Variants in MAPKAPK3 observed in about 807,000 individuals in gnomAD.
The protein encoded by MAPKAPK3 is MAP kinase-activated protein kinase 3.
A neutral mutation model predicts 49.2 loss-of-function variants in MAPKAPK3; 35 were observed. The ratio of observed to expected loss-of-function variants is 0.71; its 90% CI spans 0.54 to 0.94. The LOEUF (loss-of-function observed/expected upper bound fraction) is 0.94, where lower values mean the gene tolerates loss of function less well. MAPKAPK3 is among the 40% of genes least tolerant of loss of function. The probability of loss-of-function intolerance (pLI) is 0.00; values close to 1 mark genes in which losing one functional copy is unlikely to be tolerated. For synonymous variants in MAPKAPK3, 178 were observed against 188.7 expected (o/e 0.94, Z 0.46); for missense variants, 398 against 493.1 (o/e 0.81, Z 1.83).
At chr3:50,617,854 T>C (rs1014168133) in intron 2 of MAPKAPK3, 70 bp downstream of exon 2, 1 of 1,230,058 alleles carries the variant, frequency 8.1e-7, no homozygotes, top group Non-Finnish European at 1.2e-6. Flanking sequence ...AGTGAAGCTA[T>C]GTCTAGCGCC....
Position 50,644,405 on chromosome 3 carries a change from C to G in MAPKAPK3, c.505-4C>G, listed in dbSNP as rs547198802. On this transcript the variant is annotated splice_region_variant and splice_polypyrimidine_tract_variant and intron_variant, in intron 5 of 10. Coordinates refer to ENST00000621469, the MANE Select transcript of MAPKAPK3 (RefSeq NM_001243925.2). ...CAAACCAATGTTTTCTCTTTCTGGC[C>G]CAGCCTGAAAACCTACTCTACACAT... The G allele has an allele frequency of 8.7e-6, 14 of 1,613,944 alleles. No homozygotes were observed. The African/African-American group carries it at 1.1e-4, about 12-fold the overall frequency.
chr3:50,623,262 T>C (rs1179017762), intron 2 of MAPKAPK3, among the ~76,000 whole-genome samples: 1 of 152,224 alleles, frequency 6.6e-6, no homozygotes, highest in Non-Finnish European at 1.5e-5. Flanking sequence ...GGAAAGAATC[T>C]GAGGAGCCAG....
chr3:50,648,073 C>T lies in MAPKAPK3; in HGVS notation c.*27C>T, dbSNP rs777428507. 5.0e-6 allele frequency: 8 copies of T among 1,602,630 alleles called. No individual in the cohort carries two copies. The East Asian group carries it at 8.9e-5, about 18-fold the overall frequency. The stretch of plus-strand genomic sequence containing the variant: ...TCATGGGGCCTTGGAGGAGCCTGGC[C>T]TCTCAGCCTGCATAACAGACTGAAA... On this transcript the variant is annotated 3_prime_UTR_variant, in exon 11 of 11. Transcript: ENST00000621469.
At chr3:50,636,329 G>A (rs1194977432) in intron 2 of MAPKAPK3, among the ~76,000 whole-genome samples, 1 of 152,184 alleles carries the variant, frequency 6.6e-6, no homozygotes, top group African/African-American at 2.4e-5. Context: ...CCAAAAAGTG[G>A]TGATAATGAA....
upstream of MAPKAPK3, among the ~76,000 whole-genome samples, chr3:50,614,367 TC>T (rs1258367529): frequency 6.6e-6 from 1 of 151,944 alleles, no homozygotes; most frequent in African/African-American, 2.4e-5. Context: ...ACTGCAAGAT[TC>T]CCCTGCCACT....
upstream of MAPKAPK3, among the ~76,000 whole-genome samples, chr3:50,616,706 C>T (rs959830219): frequency 1.3e-5 from 2 of 152,110 alleles, no homozygotes; most frequent in African/African-American, 2.4e-5. Context: ...CCACCTCCCT[C>T]GGCATGTTTA....
chr3:50,622,304 T>C (rs930257539), intron 2 of MAPKAPK3, among the ~76,000 whole-genome samples: 2 of 152,198 alleles, frequency 1.3e-5, no homozygotes, highest in African/African-American at 4.8e-5. Context: ...ACTGTGGCAT[T>C]CAAAGTCTCT....
At chr3:50,635,935 A>C (rs867311865) in intron 2 of MAPKAPK3, among the ~76,000 whole-genome samples, 71 of 105,268 alleles carry the variant, frequency 6.7e-4, no homozygotes, top group Middle Eastern at 5.6e-3. Flanking sequence ...AAAAAAAAAA[A>C]AAAAAAAAAA....
Position 50,627,920 on chromosome 3 carries a change from AC to A in MAPKAPK3, c.219+10139del, listed in dbSNP as rs552473678. ...AGGAGAGCGATGGCTGCCTGTACTCACCCAGGCCTGTGTGGGGAGCTGCAGA... is the reference window on the plus strand; with the variant it reads ...AGGAGAGCGATGGCTGCCTGTACTCACCAGGCCTGTGTGGGGAGCTGCAGA... On this transcript the variant is annotated intron_variant, in intron 2 of 10. Transcript: ENST00000621469. 9.9e-4 allele frequency among the ~76,000 whole-genome samples: 151 copies of A among 152,198 alleles called. 1 individual carries two copies. The highest frequency in any genetic ancestry group is 3.0e-3 in the Admixed American group (46 of 15,292).
intron 2 of MAPKAPK3, among the ~76,000 whole-genome samples, chr3:50,627,328 C>T (rs2032783761): frequency 6.6e-6 from 1 of 152,036 alleles, no homozygotes; most frequent in Non-Finnish European, 1.5e-5. Flanking sequence ...GCCTTGCCCA[C>T]TGCTGGTGCT....
intron 2 of MAPKAPK3, among the ~76,000 whole-genome samples, chr3:50,634,551 C>G (rs1029725515): frequency 1.3e-5 from 2 of 151,496 alleles, no homozygotes; most frequent in Admixed American, 6.6e-5. Context: ...TGCAATGATG[C>G]GATCTCGGCT....
At chr3:50,641,613 A>G in intron 3 of MAPKAPK3, 94 bp from the exon 4 acceptor site, 1 of 974,256 alleles carries the variant, frequency 1.0e-6, no homozygotes. Flanking sequence ...GCGGAGCAGC[A>G]GGGTCTGAAG....
chr3:50,616,819 CAAG>C (rs1048011930), upstream of MAPKAPK3, among the ~76,000 whole-genome samples: 1 of 152,066 alleles, frequency 6.6e-6, no homozygotes, highest in African/African-American at 2.4e-5. Flanking sequence ...ACACCCGACT[CAAG>C]GAGAGCTTTC....
intron 2 of MAPKAPK3, among the ~76,000 whole-genome samples, chr3:50,640,087 G>A (rs1399022746): frequency 6.6e-6 from 1 of 152,158 alleles, no homozygotes; most frequent in Non-Finnish European, 1.5e-5. Context: ...GAGAAGGGAA[G>A]CAAGGGCTTC....
At chr3:50,647,785 G>T (rs2033339440) in intron 10 of MAPKAPK3, 109 bp from the exon 11 acceptor site, 1 of 1,060,648 alleles carries the variant, frequency 9.4e-7, no homozygotes, top group Non-Finnish European at 1.4e-6. Context: ...GGGCACAGAG[G>T]CAGCACAGGC....
intron 5 of MAPKAPK3, among the ~76,000 whole-genome samples, chr3:50,642,972 C>T (rs2033209888): frequency 6.6e-6 from 1 of 152,196 alleles, no homozygotes; most frequent in Admixed American, 6.5e-5. Context: ...CTGCCTCAGC[C>T]TCCCAAGTAG....
At chr3:50,616,952 A>G (rs2032478677), upstream of MAPKAPK3, among the ~76,000 whole-genome samples, 1 of 151,942 alleles carries the variant, frequency 6.6e-6, no homozygotes, top group African/African-American at 2.4e-5. Flanking sequence ...CCGAGGAAGT[A>G]ACCGCCCCCT....
intron 6 of MAPKAPK3, among the ~76,000 whole-genome samples, 165 bp from the exon 7 acceptor site, chr3:50,645,545 C>G (rs984606541): frequency 6.6e-6 from 1 of 152,196 alleles, no homozygotes; most frequent in Non-Finnish European, 1.5e-5. Context: ...TCTCCTCCCC[C>G]AACTTCACAC....
rs886037913 is a variant in MAPKAPK3 at position 50,644,422 on chromosome 3, T to C, written c.518T>C (p.Leu173Pro). The C allele has an allele frequency of 6.2e-7, 1 of 1,614,192 alleles. No individual in the cohort carries two copies. The highest frequency in any genetic ancestry group is 8.5e-7 in the Non-Finnish European group (1 of 1,180,024). The change falls in exon 6 of 11, where the codon CTC becomes CCC. Residue 173 changes from leucine to proline, a missense_variant. Leu to Pro is a moderately conservative substitution (Grantham distance 98). Around this residue, in one of 5 missense-constraint regions of MAPKAPK3, gnomAD observed 41 missense variants for 35.8 expected, o/e 1.15. Coordinates refer to ENST00000621469, the MANE Select transcript of MAPKAPK3 (RefSeq NM_001243925.2). Reference protein sequence around the residue: ...AHRDVKPENLLYTSKEKDAVL... With the variant: ...AHRDVKPENLPYTSKEKDAVL... Reference sequence around the variant, plus strand: ...TTTCTGGCCCAGCCTGAAAACCTACTCTACACATCTAAGGAGAAAGACGCA... The same window carrying C: ...TTTCTGGCCCAGCCTGAAAACCTACCCTACACATCTAAGGAGAAAGACGCA...
Sources: allele counts gnomAD v4.1 joint callset (sites outside exome capture counted in the v4.1 genomes callset), GRCh38; gene constraint gnomAD v4.1.1; regional missense constraint gnomAD v4.1.1; transcripts MANE v1.5; gene names NCBI Gene and HGNC (gene_info 2026-07-23, HGNC 2026-07-21).